The following SPOCK1 variants were observed in gnomAD, a reference collection of about 807,000 sequenced individuals.
SPOCK1 encodes testican-1.
A neutral mutation model predicts 55.3 loss-of-function variants in SPOCK1; 23 were observed. That is an observed-to-expected ratio of 0.42 (90% CI 0.30 to 0.59). The LOEUF (loss-of-function observed/expected upper bound fraction) is 0.59, where lower values mean the gene tolerates loss of function less well. SPOCK1 is among the 20% of genes least tolerant of loss of function. SPOCK1 has a pLI of 0.22. For synonymous variants in SPOCK1, 226 were observed against 221.0 expected (o/e 1.02, Z -0.20); for missense variants, 499 against 552.5 (o/e 0.90, Z 0.97).
At chr5:137,316,597 C>G (rs920982173) in intron 2 of SPOCK1, among the ~76,000 whole-genome samples, 1 of 152,184 alleles carries the variant, frequency 6.6e-6, no homozygotes, top group African/African-American at 2.4e-5. Flanking sequence ...TATTGACAAC[C>G]TGGCCTTGGC....
intron 6 of SPOCK1, among the ~76,000 whole-genome samples, chr5:137,064,022 C>G (rs145246140): frequency 1.3e-5 from 2 of 152,064 alleles, no homozygotes; most frequent in Non-Finnish European, 2.9e-5. Flanking sequence ...GGCTAGTAAA[C>G]CCAGAGAAAT....
chr5:137,035,727 G>A (rs911564880), intron 6 of SPOCK1, among the ~76,000 whole-genome samples: 4 of 152,176 alleles, frequency 2.6e-5, no homozygotes, highest in African/African-American at 9.7e-5. Flanking sequence ...AACCCAAGCT[G>A]GAGCTGTGGT....
chr5:137,356,798 A>AT (rs1491351108), intron 2 of SPOCK1, among the ~76,000 whole-genome samples: 185 of 13,728 alleles, frequency 0.013, 20 homozygotes, highest in East Asian at 0.048. Context: ...CAAAAAAAAT[A>AT]ATATATATAT....
intron 3 of SPOCK1, among the ~76,000 whole-genome samples, chr5:137,175,129 A>C (rs1754830442): frequency 6.6e-6 from 1 of 152,200 alleles, no homozygotes; most frequent in African/African-American, 2.4e-5. Flanking sequence ...ATGACAAATT[A>C]CTATGGAAAT....
intron 8 of SPOCK1, 120 bp downstream of exon 8, chr5:136,988,302 G>A (rs950250789): frequency 1.3e-6 from 1 of 744,916 alleles, no homozygotes; most frequent in African/African-American, 1.7e-5. Context: ...GGCATTAAAT[G>A]GAATGAATTA....
chr5:137,371,474 T>TA (rs1751201075), intron 2 of SPOCK1, among the ~76,000 whole-genome samples: 1 of 152,166 alleles, frequency 6.6e-6, no homozygotes, highest in Non-Finnish European at 1.5e-5. Context: ...GCTTGGTAAA[T>TA]AAATAAGCCT....
In SPOCK1 at chr5:137,187,033, C is replaced by A. The variant is rs148349572; in HGVS notation, c.233-46339G>T. Among the ~76,000 whole-genome samples, 21 of 152,336 alleles carry A rather than the reference C, an allele frequency of 1.4e-4. No homozygotes were observed. In the East Asian group the frequency reaches 3.7e-3, roughly 27 times the overall value. On this transcript the variant is annotated intron_variant, in intron 3 of 10. Transcript: ENST00000394945. ...GCCCCATCCAGTCCACGTCCCACCT[C>A]TCTGGCAGCTCCTTGGTCTCTTTGT...
At chr5:137,286,926 T>C (rs1757278517) in intron 2 of SPOCK1, among the ~76,000 whole-genome samples, 1 of 152,224 alleles carries the variant, frequency 6.6e-6, no homozygotes, top group South Asian at 2.1e-4. Context: ...TCAACAATTA[T>C]TAGCTCTCTT....
At chr5:137,159,702 C>T (rs1284735093) in intron 3 of SPOCK1, among the ~76,000 whole-genome samples, 8 of 152,096 alleles carry the variant, frequency 5.3e-5, no homozygotes, top group South Asian at 4.1e-4. Context: ...TAGTATTCTA[C>T]GGTGTATATA....
chr5:137,123,915 C>T (rs1437184003), intron 4 of SPOCK1, among the ~76,000 whole-genome samples: 3 of 152,018 alleles, frequency 2.0e-5, no homozygotes, highest in Non-Finnish European at 4.4e-5. Context: ...TCAAAATACC[C>T]ACCAGAAATG....
chr5:137,005,910 T>C (rs1751238053), intron 6 of SPOCK1, among the ~76,000 whole-genome samples: 2 of 152,144 alleles, frequency 1.3e-5, no homozygotes, highest in South Asian at 2.1e-4. Flanking sequence ...CAGCATAAGC[T>C]AGGAAAAAGG....
intron 2 of SPOCK1, among the ~76,000 whole-genome samples, chr5:137,369,115 G>C (rs1751141934): frequency 6.6e-6 from 1 of 152,242 alleles, no homozygotes; most frequent in Non-Finnish European, 1.5e-5. Flanking sequence ...TTGGACCCAT[G>C]TGGGAAAGAA....
chr5:137,476,031 T>C (rs10074731), intron 2 of SPOCK1, among the ~76,000 whole-genome samples: 5 of 91,984 alleles, frequency 5.4e-5, no homozygotes, highest in African/African-American at 2.5e-4. Context: ...GGGCAAATTA[T>C]AGGTTTTTTT....
intron 2 of SPOCK1, among the ~76,000 whole-genome samples, chr5:137,383,946 G>T (rs1169769814): frequency 1.3e-5 from 2 of 152,188 alleles, no homozygotes; most frequent in Non-Finnish European, 2.9e-5. Flanking sequence ...GACCACAAAA[G>T]GCACACACTG....
intron 2 of SPOCK1, among the ~76,000 whole-genome samples, chr5:137,275,597 T>C (rs1757050645): frequency 6.6e-6 from 1 of 152,142 alleles, no homozygotes; most frequent in Non-Finnish European, 1.5e-5. Flanking sequence ...AGTCACACAC[T>C]AAATCACAGT....
At chr5:137,339,551 G>A (rs914475156) in intron 2 of SPOCK1, among the ~76,000 whole-genome samples, 2 of 152,166 alleles carry the variant, frequency 1.3e-5, no homozygotes, top group Admixed American at 6.5e-5. Context: ...TGGCATTTAT[G>A]AGCCTCCGCA....
chr5:137,404,698 G>T (rs4976433), intron 2 of SPOCK1, among the ~76,000 whole-genome samples: 151,670 of 151,836 alleles, frequency 1, 75,752 homozygotes, highest in Middle Eastern at 1. Context: ...AATTACAGGG[G>T]GAGCCACCGC....
intron 3 of SPOCK1, among the ~76,000 whole-genome samples, chr5:137,159,975 T>C (rs1288115568): frequency 1.3e-5 from 2 of 152,160 alleles, no homozygotes; most frequent in South Asian, 4.1e-4. Flanking sequence ...TAAGTCTTTT[T>C]TTCCATAAGT....
chr5:137,472,622 A>T (rs1409301263), intron 2 of SPOCK1, among the ~76,000 whole-genome samples: 2 of 152,196 alleles, frequency 1.3e-5, no homozygotes, highest in Admixed American at 1.3e-4. Context: ...TTAACCTACA[A>T]ATACAGCTGC....
Sources: gnomAD v4.1 joint callset for allele counts (sites outside exome capture counted in the v4.1 genomes callset) on GRCh38, gnomAD v4.1.1 for gene constraint, MANE v1.5 for transcripts, NCBI Gene and HGNC (gene_info 2026-07-23, HGNC 2026-07-21) for gene names.